Variants in ZNF765 observed in about 807,000 individuals in gnomAD.
ZNF765 encodes the protein zinc finger protein 765.
ZNF765 carries 37 observed loss-of-function variants against 44.7 expected under a neutral mutation model. The observed-to-expected ratio is 0.83, with a 90% CI of 0.64 to 1.09. ZNF765 has a LOEUF of 1.09. ZNF765 is among the 50% of genes least tolerant of loss of function. ZNF765 has a pLI of 0.00. For synonymous variants in ZNF765, 201 were observed against 213.7 expected, an observed-to-expected ratio of 0.94 and a Z score of 0.52; for missense variants, 594 against 626.1, an observed-to-expected ratio of 0.95 and a Z score of 0.55.
At chr19:53,417,918 G>T (rs1474315809) in intron 3 of ZNF765, among the ~76,000 whole-genome samples, 3 of 152,140 alleles carry the variant, frequency 2.0e-5, no homozygotes, top group African/African-American at 7.2e-5. Context: ...CATACGTAGT[G>T]TGCGTTCAGT....
At chr19:53,418,910 G>GAA (rs34443506) in intron 3 of ZNF765, among the ~76,000 whole-genome samples, 1,550 of 96,794 alleles carry the variant, frequency 0.016, 55 homozygotes, top group African/African-American at 0.054. Context: ...GTTGTGGGAG[G>GAA]AAAAAAAAAA....
chr19:53,418,343 TAAATA>T (rs1272143019), intron 3 of ZNF765, among the ~76,000 whole-genome samples: 1 of 151,894 alleles, frequency 6.6e-6, no homozygotes, highest in Admixed American at 6.6e-5. Flanking sequence ...CATCTCTAAA[TAAATA>T]AATAAAAATA....
At position 53,409,582 on chromosome 19, in the gene ZNF765, G is replaced by C. The variant is rs2085813959; in HGVS notation, c.*455G>C. 12 of 1,442,374 alleles carry C rather than the reference G, an allele frequency of 8.3e-6. No homozygotes were observed. The highest frequency in any genetic ancestry group is 1.2e-5 in the Non-Finnish European group (12 of 1,030,688). 89.3% of individuals were successfully genotyped at this position (1,442,374 alleles called of 1,614,324 possible). A position where few individuals can be genotyped will look rare whatever the true frequency, so the allele number is the denominator to read the frequency against. On this transcript the variant is annotated 3_prime_UTR_variant, in exon 4 of 4. Coordinates refer to ENST00000396408, the MANE Select transcript of ZNF765 (RefSeq NM_001040185.3). ...TTCCATTTCAAATCAAACCTTGAAA[G>C]ACAAAGGAGAATTCATACTGGAGAG...
In ZNF765 at chr19:53,421,689, G is replaced by A. The variant is rs1452311939; in HGVS notation, c.143-1373G>A. Among the ~76,000 whole-genome samples the A allele has an allele frequency of 2.0e-5, 3 of 151,936 alleles. No individual in the cohort carries two copies. The East Asian group carries it at 5.8e-4, about 29-fold the overall frequency. On this transcript the variant is annotated intron_variant, in intron 3 of 3. Transcript: ENST00000594030. The stretch of plus-strand genomic sequence containing the variant: ...GCCACTATTCCTGGCTAATTTTTGT[G>A]TTTTAGTAGAGATGGGGTTTCTCCA...
intron 1 of ZNF765, among the ~76,000 whole-genome samples, chr19:53,397,596 T>C (rs2085683825): frequency 6.6e-6 from 1 of 152,176 alleles, no homozygotes; most frequent in African/African-American, 2.4e-5. Flanking sequence ...TTGCCCAGGC[T>C]GGTCTCAAAC....
intron 1 of ZNF765, among the ~76,000 whole-genome samples, chr19:53,396,625 G>C (rs557660117): frequency 6.6e-6 from 1 of 152,174 alleles, no homozygotes; most frequent in South Asian, 2.1e-4. Context: ...GGGTTTTCTG[G>C]AGCTCATTCC....
At position 53,408,684 on chromosome 19, in the gene ZNF765, C is replaced by G; in HGVS notation, c.1129C>G (p.His377Asp). 6.5e-7 allele frequency: 1 copy of G among 1,538,772 alleles called. No individual in the cohort carries two copies. The highest frequency in any genetic ancestry group is 8.8e-7 in the Non-Finnish European group (1 of 1,132,866). The change falls in exon 4 of 4, where the codon CAT (histidine) becomes GAT (aspartate). Residue 377 changes from histidine to aspartate, a missense_variant. By Grantham distance (81) the His-to-Asp change is moderately conservative. Coordinates refer to ENST00000396408, the MANE Select transcript of ZNF765 (RefSeq NM_001040185.3). ...KSHFTCHHRVHTGEKPYKCNE... is the reference protein window; with the variant it reads ...KSHFTCHHRVDTGEKPYKCNE... ...ACATTTTACATGCCATCATAGAGTT[C>G]ATACTGGAGAGAAACCTTACAAGTG...
In ZNF765 at chr19:53,407,943, T is replaced by C; in HGVS notation, c.388T>C (p.Tyr130His). 6.2e-7 allele frequency: 1 copy of C among 1,614,182 alleles called. No homozygotes were observed. The highest frequency in any genetic ancestry group is 1.1e-5 in the South Asian group (1 of 91,084). ...TGSTERYDQN[Y>H]AGNKPVKYQL... Reference sequence around the variant, plus strand: ...TAGTACAGAGCGATATGATCAAAATTATGCTGGAAACAAGCCTGTTAAATA... The same window carrying C: ...TAGTACAGAGCGATATGATCAAAATCATGCTGGAAACAAGCCTGTTAAATA... Residue 130 changes from tyrosine to histidine, a missense_variant, in exon 4 of 4, where the codon TAT (tyrosine) becomes CAT (histidine). Physicochemically the swap from Tyr to His is moderately conservative, Grantham distance 83. Around this residue, in one of 2 missense-constraint regions of ZNF765, gnomAD observed 567 missense variants for 572.6 expected, o/e 0.99. Transcript: ENST00000396408.
downstream of ZNF765, among the ~76,000 whole-genome samples, chr19:53,416,617 A>C (rs917030903): frequency 1.1e-4 from 17 of 152,082 alleles, no homozygotes; most frequent in African/African-American, 3.9e-4. Flanking sequence ...TTCGGTTAAG[A>C]GAAATTTGTA....
At position 53,409,181 on chromosome 19, in the gene ZNF765, T is replaced by C. The variant is rs754105842; in HGVS notation, c.*54T>C. On this transcript the variant is annotated 3_prime_UTR_variant, in exon 4 of 4. Transcript: ENST00000396408. ...TTAACCCTTACATGCCATCGTAGGC[T>C]TCATAGTGGAGAGAAACCTTACAAA... 6 of 1,460,760 alleles carry C rather than the reference T, an allele frequency of 4.1e-6. No individual in the cohort carries two copies. The highest frequency in any genetic ancestry group is 1.7e-4 in the Middle Eastern group (1 of 5,742). 90.5% of individuals were successfully genotyped at this position (1,460,760 alleles called of 1,614,324 possible).
chr19:53,405,506 G>A (rs1568778647), intron 3 of ZNF765, among the ~76,000 whole-genome samples: 10 of 151,780 alleles, frequency 6.6e-5, no homozygotes. Context: ...CCAAGAGCAA[G>A]GTGCCAGCCA....
exon 4 of ZNF765, chr19:53,425,474 A>G (rs1338680491): frequency 2.6e-5 from 4 of 151,994 alleles, no homozygotes; most frequent in Admixed American, 2.0e-4. Flanking sequence ...ACCATGGGCT[A>G]TTTTTATTTT....
chr19:53,410,303 A>G lies in ZNF765; in HGVS notation c.*1176A>G, dbSNP rs1207531518. 1.1e-5 allele frequency: 4 copies of G among 358,686 alleles called. No individual in the cohort carries two copies. The highest frequency in any genetic ancestry group is 3.9e-4 in the Middle Eastern group (1 of 2,586). 22.2% of individuals were successfully genotyped at this position (358,686 alleles called of 1,614,324 possible). On this transcript the variant is annotated 3_prime_UTR_variant, in exon 4 of 4. Coordinates refer to ENST00000396408, the MANE Select transcript of ZNF765 (RefSeq NM_001040185.3). ...GTTTACAGTCGCAAATCAAGCCTCC[A>G]AAGACAGGAGAATTCATACTGGAGA...
chr19:53,403,481 T>C (rs1186744206), intron 3 of ZNF765, among the ~76,000 whole-genome samples: 3 of 152,246 alleles, frequency 2.0e-5, no homozygotes, highest in Non-Finnish European at 4.4e-5. Context: ...TGATGGAGTC[T>C]TACTCTGTCC....
chr19:53,403,725 C>A, intron 3 of ZNF765, among the ~76,000 whole-genome samples: 1 of 152,198 alleles, frequency 6.6e-6, no homozygotes, highest in East Asian at 1.9e-4. Context: ...CGCCTGTAAT[C>A]CTGCTACTCA....
chr19:53,408,189 G>A lies in ZNF765; in HGVS notation c.634G>A (p.Glu212Lys), dbSNP rs2085795036. 6.2e-7 allele frequency: 1 copy of A among 1,614,120 alleles called. No homozygotes were observed. Among genetic ancestry groups the A allele is most frequent in the Non-Finnish European group, 8.5e-7 (1 of 1,180,018 alleles). ...ACAAAAACAGGAAGTACATATGAGG[G>A]AAAAATCTTTCCAATGCAATGACAG... ...FTQKQEVHMR[E>K]KSFQCNDSGK... Residue 212 changes from glutamate (E) to lysine (K), a missense_variant, in exon 4 of 4, where the codon GAA (glutamate) becomes AAA (lysine). Transcript: ENST00000396408.
chr19:53,397,174 G>A (rs886616208), intron 1 of ZNF765, among the ~76,000 whole-genome samples: 11 of 152,212 alleles, frequency 7.2e-5, no homozygotes, highest in African/African-American at 2.7e-4. Context: ...CCTTCCTATT[G>A]TCATTGATTT....
At chr19:53,417,958 G>C (rs749408886) in intron 3 of ZNF765, among the ~76,000 whole-genome samples, 4 of 152,154 alleles carry the variant, frequency 2.6e-5, no homozygotes, top group Non-Finnish European at 4.4e-5. Context: ...AGTATTTCCT[G>C]CTTCCTTCTT....
At position 53,407,823 on chromosome 19, in the gene ZNF765, A is replaced by G. The variant is rs1439452338; in HGVS notation, c.268A>G (p.Ile90Val). 1.1e-5 allele frequency: 18 copies of G among 1,613,564 alleles called. No homozygotes were observed. The highest frequency in any genetic ancestry group is 1.5e-5 in the Non-Finnish European group (18 of 1,179,866). The change falls in exon 4 of 4, where the codon ATT (isoleucine) becomes GTT (valine). Residue 90 changes from isoleucine to valine, a missense_variant. Around this residue, in one of 2 missense-constraint regions of ZNF765, gnomAD observed 567 missense variants for 572.6 expected, o/e 0.99. Coordinates refer to ENST00000396408, the MANE Select transcript of ZNF765 (RefSeq NM_001040185.3). Reference sequence around the variant, plus strand: ...CAATGGAGATTTTTGTTTCCAGGATATTGATAAAGATATTCATGACATTGA... The same window carrying G: ...CAATGGAGATTTTTGTTTCCAGGATGTTGATAAAGATATTCATGACATTGA... ...HHNGDFCFQD[I>V]DKDIHDIEFQ...
Sources: allele counts gnomAD v4.1 joint callset (sites outside exome capture counted in the v4.1 genomes callset), GRCh38; gene constraint gnomAD v4.1.1; regional missense constraint gnomAD v4.1.1; transcripts MANE v1.5; gene names NCBI Gene and HGNC (gene_info 2026-07-23, HGNC 2026-07-21).